Variants in KMT5B observed in about 807,000 individuals in gnomAD.
KMT5B encodes histone-lysine N-methyltransferase KMT5B.
Under a neutral mutation model 83.2 loss-of-function variants are expected in KMT5B, and 10 were observed. That is an observed-to-expected ratio of 0.12 (90% CI 0.07 to 0.20). The LOEUF (loss-of-function observed/expected upper bound fraction) is 0.20, where lower values mean the gene tolerates loss of function less well. Among genes scored for constraint, KMT5B ranks in the 10% least tolerant of loss-of-function variants. The pLI, the probability that KMT5B is intolerant of heterozygous loss-of-function variation, is 1.00. For missense variants in KMT5B, 753 were observed against 1,067.2 expected, an observed-to-expected ratio of 0.71 and a Z score of 4.10; for synonymous variants, 349 against 388.8, an observed-to-expected ratio of 0.90 and a Z score of 1.20.
rs1238125331 is a variant in KMT5B at position 68,158,794 on chromosome 11, T to C, written c.1552A>G (p.Arg518Gly). ...CLTRHAAREH[R>G]QNPVRGAHSQ... Reference sequence around the variant, plus strand: ...TGAGCACCTCTCACAGGATTCTGTCTGTGTTCTCTCGCCGCGTGTCTAGTC... The same window carrying C: ...TGAGCACCTCTCACAGGATTCTGTCCGTGTTCTCTCGCCGCGTGTCTAGTC... The change falls in exon 11 of 11, where the codon AGA (arginine) becomes GGA (glycine). Residue 518 changes from arginine (R) to glycine (G), a missense_variant. Around this residue, in one of 9 missense-constraint regions of KMT5B, gnomAD observed 397 missense variants for 395.9 expected, o/e 1.00. Coordinates refer to ENST00000304363, the MANE Select transcript of KMT5B (RefSeq NM_017635.5). 7.4e-6 allele frequency: 12 copies of C among 1,614,080 alleles called. No individual in the cohort carries two copies. Among genetic ancestry groups the C allele is most frequent in the African/African-American group, 1.3e-5 (1 of 74,940 alleles).
At chr11:68,177,371 A>C (rs986152999) in intron 4 of KMT5B, among the ~76,000 whole-genome samples, 1 of 152,228 alleles carries the variant, frequency 6.6e-6, no homozygotes, top group Non-Finnish European at 1.5e-5. Context: ...GAATGAGGGG[A>C]AGTCTAAGCA....
intron 9 of KMT5B, among the ~76,000 whole-genome samples, chr11:68,168,067 T>C (rs989955101): frequency 1.3e-5 from 2 of 152,074 alleles, no homozygotes; most frequent in Non-Finnish European, 2.9e-5. Context: ...TCCCAGCTAC[T>C]CGGGAGGCTG....
chr11:68,190,148 C>T lies in KMT5B; in HGVS notation c.-72G>A. 2 of 1,426,816 alleles carry T rather than the reference C, an allele frequency of 1.4e-6. No individual in the cohort carries two copies. The highest frequency in any genetic ancestry group is 2.0e-6 in the Non-Finnish European group (2 of 1,024,550). 88.4% of individuals were successfully genotyped at this position (1,426,816 alleles called of 1,614,324 possible). ...TAGCTTAGAGAATACTTTCAATGTT[C>T]TCTCCTAACAGAAACAAAATATGAA... On this transcript the variant is annotated 5_prime_UTR_variant, in exon 2 of 11. Transcript: ENST00000304363.
intron 9 of KMT5B, among the ~76,000 whole-genome samples, chr11:68,168,418 C>T (rs1855526440): frequency 2.0e-5 from 3 of 151,886 alleles, no homozygotes; most frequent in Admixed American, 6.6e-5. Context: ...TCACTGCAAC[C>T]CCTGCCTCCT....
chr11:68,157,670 C>A lies in KMT5B; in HGVS notation c.*18G>T. ...TTTCTTTAAAGTAGTTATCCCAGGT[C>A]AAGTTAAGACCAAGAGCTTAGGCAT... is the stretch of plus-strand genomic sequence containing the variant. On this transcript the variant is annotated 3_prime_UTR_variant, in exon 11 of 11. Transcript: ENST00000304363. 1 of 1,516,488 alleles carries A rather than the reference C, an allele frequency of 6.6e-7. No homozygotes were observed. The highest frequency in any genetic ancestry group is 8.8e-7 in the Non-Finnish European group (1 of 1,135,148). 93.9% of individuals were successfully genotyped at this position (1,516,488 alleles called of 1,614,324 possible).
chr11:68,162,640 A>G (rs1854966324), intron 10 of KMT5B, among the ~76,000 whole-genome samples: 1 of 152,302 alleles, frequency 6.6e-6, no homozygotes, highest in East Asian at 1.9e-4. Flanking sequence ...CCCTCCTTCC[A>G]AAACATTCAC....
rs774623500 is a variant in KMT5B, at chr11:68,155,429, TA to T, written c.*2258del. On this transcript the variant is annotated 3_prime_UTR_variant, in exon 11 of 11. Coordinates refer to ENST00000304363, the MANE Select transcript of KMT5B (RefSeq NM_017635.5). ...TTGGCCTCCAAAGAGGAGGCCATGA[TA>T]AAATTAAAACATCAAAAATAAGTTA... 6.6e-6 allele frequency: 1 copy of T among 152,280 alleles called. No homozygotes were observed. Among genetic ancestry groups the T allele is most frequent in the East Asian group, 1.9e-4 (1 of 5,182 alleles). The allele number at this position is 152,280 out of a possible 1,614,324, so 9.4% of individuals were successfully genotyped here. A position where few individuals can be genotyped will look rare whatever the true frequency, so the allele number is the denominator to read the frequency against.
At chr11:68,186,910 G>A (rs1381581417) in intron 2 of KMT5B, among the ~76,000 whole-genome samples, 1 of 152,156 alleles carries the variant, frequency 6.6e-6, no homozygotes, top group Non-Finnish European at 1.5e-5. Flanking sequence ...TTAGTTGCAT[G>A]TAGGTATGTG....
At chr11:68,203,997 G>C (rs574109163) in intron 1 of KMT5B, among the ~76,000 whole-genome samples, 1 of 152,222 alleles carries the variant, frequency 6.6e-6, no homozygotes, top group East Asian at 1.9e-4. Context: ...ATAGGGTCAA[G>C]CTTGGATGCA....
chr11:68,176,373 A>G (rs930731761), intron 4 of KMT5B, among the ~76,000 whole-genome samples: 2 of 152,316 alleles, frequency 1.3e-5, no homozygotes, highest in Non-Finnish European at 1.5e-5. Flanking sequence ...CGTGTACTAT[A>G]AAGTTACTAG....
In KMT5B at chr11:68,167,124, A is replaced by G; in HGVS notation, c.1032T>C (p.Val344=). 6.2e-7 allele frequency: 1 copy of G among 1,613,984 alleles called. No homozygotes were observed. ...SRVGLPAPAP[V]INSKYGLRET... ...CTCTGAGTCCATATTTGCTATTGAT[A>G]ACAGGAGCAGGCGCAGGCAGTCCCA... is the stretch of plus-strand genomic sequence containing the variant. The change falls in exon 10 of 11, where the codon GTT becomes GTC. Residue 344 remains valine, a synonymous_variant. Transcript: ENST00000304363.
At chr11:68,201,902 A>T (rs1445237308) in intron 1 of KMT5B, among the ~76,000 whole-genome samples, 1 of 150,530 alleles carries the variant, frequency 6.6e-6, no homozygotes, top group African/African-American at 2.5e-5. Context: ...CAACATGGTC[A>T]GACCCCAGTC....
At chr11:68,180,324 G>C (rs1319595909) in intron 3 of KMT5B, 124 bp from the exon 4 acceptor site, 2 of 1,324,944 alleles carry the variant, frequency 1.5e-6, no homozygotes, top group Non-Finnish European at 1.0e-6. Context: ...TGATAATCAA[G>C]AACTTTAAGA....
At chr11:68,212,333 A>C (rs1253782336) in intron 1 of KMT5B, among the ~76,000 whole-genome samples, 1 of 152,246 alleles carries the variant, frequency 6.6e-6, no homozygotes, top group Non-Finnish European at 1.5e-5. Context: ...ACTCCAGGTA[A>C]ATTTCATTTG....
chr11:68,158,387 A>AGAATGTGTG lies in KMT5B; in HGVS notation c.1958_1959insCACACATTC (p.Gly653_Glu654insThrHisSer), dbSNP rs754710480. 1 of 1,613,998 alleles carries AGAATGTGTG rather than the reference A, an allele frequency of 6.2e-7. No homozygotes were observed. The highest frequency in any genetic ancestry group is 8.5e-7 in the Non-Finnish European group (1 of 1,179,998). ...GCACGCCCACAGTGCCACTGTGCTC[A>AGAATGTGTG]CCCTGGTCAGAATGGGGACCCATCA... On this transcript the variant is annotated inframe_insertion, in exon 11 of 11. Coordinates refer to ENST00000304363, the MANE Select transcript of KMT5B (RefSeq NM_017635.5).
chr11:68,193,452 C>A (rs1858327544), intron 1 of KMT5B, among the ~76,000 whole-genome samples: 1 of 151,864 alleles, frequency 6.6e-6, no homozygotes, highest in African/African-American at 2.4e-5. Context: ...ACAGGAGTAT[C>A]TGTGTGAGTT....
intron 10 of KMT5B, 69 bp from the exon 11 acceptor site, chr11:68,159,240 C>CCTG: frequency 6.7e-7 from 1 of 1,496,858 alleles, no homozygotes; most frequent in South Asian, 1.4e-5. Context: ...AATGCCCAAA[C>CCTG]CCAGGCTATT....
At chr11:68,210,517 T>C (rs1860763929) in intron 1 of KMT5B, among the ~76,000 whole-genome samples, 1 of 152,154 alleles carries the variant, frequency 6.6e-6, no homozygotes, top group South Asian at 2.1e-4. Context: ...ATCAATGACT[T>C]ATACAAACAG....
At chr11:68,163,012 G>A (rs1009670998) in intron 10 of KMT5B, among the ~76,000 whole-genome samples, 4 of 148,216 alleles carry the variant, frequency 2.7e-5, no homozygotes, top group Non-Finnish European at 4.4e-5. Context: ...GAAGACAGTG[G>A]CCACAATGAC....
Sources: gnomAD v4.1 joint callset for allele counts (sites outside exome capture counted in the v4.1 genomes callset) on GRCh38, gnomAD v4.1.1 for gene constraint, gnomAD v4.1.1 regional missense constraint, MANE v1.5 for transcripts, NCBI Gene and HGNC (gene_info 2026-07-23, HGNC 2026-07-21) for gene names.